BTNL8: variants seen among roughly 807,000 people sequenced by gnomAD.
BTNL8 encodes butyrophilin like 8, also known as butyrophilin-like protein 8.
Under a neutral mutation model 36.1 loss-of-function variants are expected in BTNL8, and 22 were observed. The observed-to-expected ratio is 0.61, with a 90% confidence interval of 0.44 to 0.87. The LOEUF is 0.87. BTNL8 is among the 40% of genes least tolerant of loss of function. BTNL8 has a pLI of 0.00. For missense variants in BTNL8, 526 were observed against 616.9 expected, an observed-to-expected ratio of 0.85 and a Z score of 1.56; for synonymous variants, 203 against 235.6, an observed-to-expected ratio of 0.86 and a Z score of 1.27.
chr5:180,928,269 C>G (rs1467586988), intron 3 of BTNL8, among the ~76,000 whole-genome samples: 1 of 152,088 alleles, frequency 6.6e-6, no homozygotes, highest in Non-Finnish European at 1.5e-5. Context: ...AAATCCTTTA[C>G]AGAAAAGCAA....
intron 1 of BTNL8, among the ~76,000 whole-genome samples, chr5:180,906,306 T>G (rs1757082893): frequency 7.1e-6 from 1 of 140,090 alleles, no homozygotes; most frequent in Non-Finnish European, 1.5e-5. Context: ...TGATCTTTGT[T>G]GGTTTAAAGT....
chr5:180,940,608 A>G (rs1758881723), intron 3 of BTNL8, among the ~76,000 whole-genome samples: 1 of 152,176 alleles, frequency 6.6e-6, no homozygotes, highest in Admixed American at 6.5e-5. Flanking sequence ...AGACCAACAA[A>G]ATAAGAGTTT....
rs532132640 is a variant in BTNL8 at position 180,919,923 on chromosome 5, G to T, written c.673+8309G>T. Among the ~76,000 whole-genome samples, 3 of 152,210 alleles carry T rather than the reference G, an allele frequency of 2.0e-5. No individual in the cohort carries two copies. The South Asian group carries it at 6.2e-4, about 32-fold the overall frequency. On this transcript the variant is annotated intron_variant, in intron 3 of 7. Coordinates refer to ENST00000340184, the MANE Select transcript of BTNL8 (RefSeq NM_001040462.3). ...AATAGAAATGTATCATGTGTTCATA[G>T]AATTAATATTGCTTAATGTTCATAC...
chr5:180,918,834 A>T (rs1757752941), intron 3 of BTNL8, among the ~76,000 whole-genome samples: 1 of 152,230 alleles, frequency 6.6e-6, no homozygotes, highest in African/African-American at 2.4e-5. Context: ...TATCTAAAAG[A>T]CCTGGAATCC....
chr5:180,950,453 C>T lies in BTNL8; in HGVS notation c.1412C>T (p.Ser471Phe). 2.0e-6 allele frequency: 3 copies of T among 1,463,886 alleles called. No individual in the cohort carries two copies. Among genetic ancestry groups the T allele is most frequent in the Non-Finnish European group, 2.8e-6 (3 of 1,059,186 alleles). The allele number at this position is 1,463,886 out of a possible 1,614,324, so 90.7% of individuals were successfully genotyped here. A position where few individuals can be genotyped will look rare whatever the true frequency, so the allele number is the denominator to read the frequency against. Residue 471 changes from serine (S) to phenylalanine (F), a missense_variant, in exon 8 of 8, where the codon TCT becomes TTT. Coordinates refer to ENST00000340184, the MANE Select transcript of BTNL8 (RefSeq NM_001040462.3). ...PVTQESEKEA[S>F]WQRASAIPET... Reference sequence around the variant, plus strand: ...ACCCAGGAATCAGAGAAAGAGGCCTCTTGGCAAAGGGCCTCTGCAATCCCA... The same window carrying T: ...ACCCAGGAATCAGAGAAAGAGGCCTTTTGGCAAAGGGCCTCTGCAATCCCA...
chr5:180,904,884 C>T (rs1757009766), intron 1 of BTNL8, among the ~76,000 whole-genome samples: 1 of 151,668 alleles, frequency 6.6e-6, no homozygotes, highest in African/African-American at 2.4e-5. Flanking sequence ...GCCCACTTGA[C>T]CATGGTGGAT....
At chr5:180,945,941 T>C in intron 3 of BTNL8, 1 of 194,532 alleles carries the variant, frequency 5.1e-6, no homozygotes, top group Non-Finnish European at 1.1e-5. Flanking sequence ...CCAAGGCATC[T>C]ACGCAATGAA....
At chr5:180,900,292 C>A (rs1014317774) in intron 1 of BTNL8, among the ~76,000 whole-genome samples, 4 of 152,132 alleles carry the variant, frequency 2.6e-5, no homozygotes, top group Non-Finnish European at 5.9e-5. Context: ...ATTTCATTTT[C>A]TTGTGAGCTT....
intron 3 of BTNL8, among the ~76,000 whole-genome samples, chr5:180,918,297 C>T (rs1757734084): frequency 6.6e-6 from 1 of 151,994 alleles, no homozygotes. Flanking sequence ...TTAAAAGAAA[C>T]ATTAAACGTA....
At chr5:180,944,568 A>G (rs1320735857) in intron 3 of BTNL8, among the ~76,000 whole-genome samples, 2 of 152,206 alleles carry the variant, frequency 1.3e-5, no homozygotes, top group Non-Finnish European at 2.9e-5. Context: ...GTACAAAATT[A>G]TATTTAAATA....
intron 3 of BTNL8, among the ~76,000 whole-genome samples, chr5:180,916,199 T>A (rs1757621121): frequency 6.6e-6 from 1 of 152,192 alleles, no homozygotes; most frequent in African/African-American, 2.4e-5. Context: ...CCTTGTCACC[T>A]CTTAAGGGTC....
intron 3 of BTNL8, among the ~76,000 whole-genome samples, chr5:180,941,110 GAGGAAGGA>G (rs1177352611): frequency 0.018 from 2,258 of 126,876 alleles, 38 homozygotes; most frequent in African/African-American, 0.039. Flanking sequence ...GGAAGGAAGG[GAGGAAGGA>G]AGGAAGGAAG....
Position 180,908,752 on chromosome 5 carries a change from C to CATTTATG in BTNL8, c.216_217insATTTATG (p.Gln73IlefsTer47). 6.2e-7 allele frequency: 1 copy of CATTTATG among 1,614,174 alleles called. No individual in the cohort carries two copies. The highest frequency in any genetic ancestry group is 8.5e-7 in the Non-Finnish European group (1 of 1,180,048). ...TCCACCTCTACAGGGACGGGAAGGACCAGCCATTTATGCAGATGCCACAGT... is the reference window on the plus strand; with the variant it reads ...TCCACCTCTACAGGGACGGGAAGGACATTTATGCAGCCATTTATGCAGATGCCACAGT... On this transcript the variant is annotated frameshift_variant, in exon 2 of 8. Transcript: ENST00000340184. LOFTEE classifies it high-confidence loss of function.
In BTNL8 at chr5:180,950,051, A is replaced by G. The variant is rs773550985; in HGVS notation, c.1010A>G (p.Gln337Arg). 2 of 1,462,450 alleles carry G rather than the reference A, an allele frequency of 1.4e-6. No homozygotes were observed. The allele number at this position is 1,462,450 out of a possible 1,614,324, so 90.6% of individuals were successfully genotyped here. Residue 337 changes from glutamine to arginine, a missense_variant, in exon 8 of 8, where the codon CAA (glutamine) becomes CGA (arginine). Gln to Arg is a conservative substitution (Grantham distance 43). Coordinates refer to ENST00000340184, the MANE Select transcript of BTNL8 (RefSeq NM_001040462.3). ...RKSVVASQSF[Q>R]AGKHYWEVDG... is the part of the protein sequence containing the mutation. ...AGTGTGGTGGCTTCTCAGAGTTTCC[A>G]AGCAGGGAAACATTACTGGGAGGTG...
At chr5:180,915,284 C>A (rs1407346113) in intron 3 of BTNL8, among the ~76,000 whole-genome samples, 1 of 152,226 alleles carries the variant, frequency 6.6e-6, no homozygotes, top group Non-Finnish European at 1.5e-5. Context: ...GCACGTGCTT[C>A]CCTGCAGACA....
chr5:180,930,147 A>G (rs1465299484), intron 3 of BTNL8, among the ~76,000 whole-genome samples: 1 of 152,238 alleles, frequency 6.6e-6, no homozygotes, highest in African/African-American at 2.4e-5. Flanking sequence ...CTTGGGATGC[A>G]AGGCTGGTTC....
At chr5:180,933,381 A>C (rs1561941636) in intron 3 of BTNL8, among the ~76,000 whole-genome samples, 1 of 152,220 alleles carries the variant, frequency 6.6e-6, no homozygotes, top group Non-Finnish European at 1.5e-5. Context: ...CACATTCTCC[A>C]GAACATATCA....
intron 3 of BTNL8, among the ~76,000 whole-genome samples, chr5:180,920,830 T>C (rs1033008460): frequency 6.6e-6 from 1 of 151,990 alleles, no homozygotes; most frequent in African/African-American, 2.4e-5. Flanking sequence ...AGCCAAGAGA[T>C]TTATGAAAAG....
rs1333164442 is a variant in BTNL8 at position 180,905,218 on chromosome 5, G to A, written c.50-3368G>A. On this transcript the variant is annotated intron_variant, in intron 1 of 7. Transcript: ENST00000340184. ...ACAATTTCAGCTCCTGTTATTGGTC[G>A]ATTCAGAGATTCAACTTCTTCCTGG... Among the ~76,000 whole-genome samples the A allele has an allele frequency of 3.1e-3, 464 of 151,266 alleles. 4 individuals are homozygous for A. The highest frequency in any genetic ancestry group is 0.011 in the African/African-American group (439 of 41,074).
Sources: gnomAD v4.1 joint callset for allele counts (sites outside exome capture counted in the v4.1 genomes callset) on GRCh38, gnomAD v4.1.1 for gene constraint, MANE v1.5 for transcripts, NCBI Gene and HGNC (gene_info 2026-07-23, HGNC 2026-07-21) for gene names.